Variants in UVRAG observed in about 807,000 individuals in gnomAD.
The protein encoded by UVRAG is UV radiation resistance-associated gene protein.
In UVRAG, 19 loss-of-function variants were observed where a neutral mutation model predicts 78.0. The ratio of observed to expected loss-of-function variants is 0.24; its 90% CI spans 0.17 to 0.36. UVRAG has a LOEUF of 0.36. Among genes scored for constraint, UVRAG ranks in the 10% least tolerant of loss-of-function variants. UVRAG has a pLI of 1.00. For missense variants in UVRAG, 740 were observed against 853.8 expected (o/e 0.87, Z 1.66); for synonymous variants, 323 against 324.6 (o/e 1.00, Z 0.05).
chr11:75,971,477 T>A (rs1356616368), intron 7 of UVRAG, among the ~76,000 whole-genome samples: 1 of 152,206 alleles, frequency 6.6e-6, no homozygotes, highest in Non-Finnish European at 1.5e-5. Context: ...TGACAGTTCG[T>A]GTTGTTCCAT....
intron 6 of UVRAG, among the ~76,000 whole-genome samples, chr11:75,953,211 G>A (rs1379066958): frequency 6.6e-6 from 1 of 152,024 alleles, no homozygotes; most frequent in Non-Finnish European, 1.5e-5. Flanking sequence ...TTAGGACAGA[G>A]CCATTTGTTA....
At chr11:75,909,893 A>G (rs1947697607) in intron 5 of UVRAG, among the ~76,000 whole-genome samples, 1 of 152,088 alleles carries the variant, frequency 6.6e-6, no homozygotes, top group Admixed American at 6.5e-5. Context: ...TAGTTTTGGC[A>G]TCAGTAATGC....
At chr11:75,839,431 A>G (rs566182520) in intron 1 of UVRAG, among the ~76,000 whole-genome samples, 1 of 152,104 alleles carries the variant, frequency 6.6e-6, no homozygotes, top group South Asian at 2.1e-4. Context: ...ATGTACATTA[A>G]ATATTTTTAA....
At chr11:76,091,754 ATTG>A (rs961895839) in intron 13 of UVRAG, among the ~76,000 whole-genome samples, 7 of 151,128 alleles carry the variant, frequency 4.6e-5, no homozygotes, top group Non-Finnish European at 8.9e-5. Context: ...TGAAATTTTT[ATTG>A]TTGTTTTTGT....
At chr11:75,966,008 T>A (rs1221173708) in intron 7 of UVRAG, among the ~76,000 whole-genome samples, 1 of 152,194 alleles carries the variant, frequency 6.6e-6, no homozygotes, top group Non-Finnish European at 1.5e-5. Context: ...GTGCTAAGAA[T>A]GCCCTTCATT....
At chr11:75,902,082 CT>C (rs1447885772) in intron 5 of UVRAG, among the ~76,000 whole-genome samples, 1 of 152,230 alleles carries the variant, frequency 6.6e-6, no homozygotes, top group Non-Finnish European at 1.5e-5. Context: ...GTGCTTAGCA[CT>C]GTGTCTGGCA....
At chr11:75,973,015 C>T (rs1264094262) in intron 7 of UVRAG, among the ~76,000 whole-genome samples, 2 of 152,100 alleles carry the variant, frequency 1.3e-5, no homozygotes, top group East Asian at 3.8e-4. Context: ...TTTCCCAACA[C>T]GTGTAGCTTT....
intron 12 of UVRAG, among the ~76,000 whole-genome samples, chr11:76,058,198 G>A (rs1284560800): frequency 2.6e-5 from 4 of 152,026 alleles, no homozygotes; most frequent in Non-Finnish European, 2.9e-5. Flanking sequence ...TGTTGTAGGG[G>A]GGACTTTGGG....
At chr11:76,064,887 G>C (rs1461349523) in intron 12 of UVRAG, among the ~76,000 whole-genome samples, 1 of 152,108 alleles carries the variant, frequency 6.6e-6, no homozygotes, top group Non-Finnish European at 1.5e-5. Flanking sequence ...TTTTCTTCTT[G>C]ACCCTAAGTA....
intron 6 of UVRAG, among the ~76,000 whole-genome samples, chr11:75,953,701 A>G (rs533954201): frequency 4.6e-5 from 7 of 152,206 alleles, no homozygotes; most frequent in African/African-American, 1.2e-4. Context: ...TTTTTATTCA[A>G]TGTATCTTTA....
At chr11:75,886,549 C>T (rs1264368938) in intron 4 of UVRAG, among the ~76,000 whole-genome samples, 1 of 152,010 alleles carries the variant, frequency 6.6e-6, no homozygotes, top group Non-Finnish European at 1.5e-5. Flanking sequence ...TTTCTCTTTT[C>T]CAAGGTGAAA....
chr11:76,026,416 A>G (rs570222686), intron 12 of UVRAG, among the ~76,000 whole-genome samples: 2 of 152,128 alleles, frequency 1.3e-5, no homozygotes, highest in Non-Finnish European at 2.9e-5. Flanking sequence ...TTTAGTGCAG[A>G]GAGTTCAGAA....
intron 1 of UVRAG, among the ~76,000 whole-genome samples, chr11:75,841,376 A>G (rs1408814719): frequency 6.6e-6 from 1 of 152,244 alleles, no homozygotes; most frequent in Non-Finnish European, 1.5e-5. Context: ...GTTAACTAAA[A>G]AAGAAGAGTA....
At chr11:76,025,470 G>T (rs1950311297) in intron 12 of UVRAG, among the ~76,000 whole-genome samples, 1 of 152,166 alleles carries the variant, frequency 6.6e-6, no homozygotes, top group African/African-American at 2.4e-5. Context: ...GAAACAGGGG[G>T]TGGTATAATT....
chr11:75,976,844 A>G (rs1162378896), intron 7 of UVRAG, among the ~76,000 whole-genome samples: 1 of 151,868 alleles, frequency 6.6e-6, no homozygotes, highest in Non-Finnish European at 1.5e-5. Flanking sequence ...ATTTTTTTGA[A>G]GGTTTTTTTG....
chr11:75,822,133 G>A (rs1390142657), intron 1 of UVRAG, among the ~76,000 whole-genome samples: 2 of 151,748 alleles, frequency 1.3e-5, no homozygotes, highest in African/African-American at 4.8e-5. Context: ...TCAGTAGGAC[G>A]GGGTTTCACC....
intron 7 of UVRAG, among the ~76,000 whole-genome samples, chr11:75,971,773 C>G (rs140972846): frequency 6.6e-6 from 1 of 152,022 alleles, no homozygotes; most frequent in Non-Finnish European, 1.5e-5. Flanking sequence ...GAAACCTCTA[C>G]CTCCCAGGTT....
chr11:76,002,875 A>G (rs966503626), intron 8 of UVRAG, among the ~76,000 whole-genome samples: 3 of 152,132 alleles, frequency 2.0e-5, no homozygotes, highest in African/African-American at 7.2e-5. Flanking sequence ...CAGGAGTTCA[A>G]GATCAGCCTG....
chr11:76,031,525 A>C (rs1262388427), intron 12 of UVRAG, among the ~76,000 whole-genome samples: 1 of 152,178 alleles, frequency 6.6e-6, no homozygotes, highest in Middle Eastern at 3.2e-3. Flanking sequence ...TATCTGGATG[A>C]GGAAGTCTTC....
Sources: gnomAD v4.1 joint callset for allele counts (sites outside exome capture counted in the v4.1 genomes callset) on GRCh38, gnomAD v4.1.1 for gene constraint, MANE v1.5 for transcripts, NCBI Gene and HGNC (gene_info 2026-07-23, HGNC 2026-07-21) for gene names.